ANKRD26: variants seen among roughly 807,000 people sequenced by gnomAD.
ANKRD26 encodes the protein ankyrin repeat domain-containing protein 26.
A neutral mutation model predicts 208.7 loss-of-function variants in ANKRD26; 141 were observed. The ratio of observed to expected loss-of-function variants is 0.68; its 90% CI spans 0.59 to 0.78. The LOEUF (loss-of-function observed/expected upper bound fraction) is 0.78. ANKRD26 is among the 30% of genes least tolerant of loss of function. The probability of loss-of-function intolerance (pLI) is 0.00; values close to 1 mark genes in which losing one functional copy is unlikely to be tolerated. For missense variants in ANKRD26, 1,889 were observed against 1,938.7 expected (o/e 0.97, Z 0.48); for synonymous variants, 636 against 660.4 (o/e 0.96, Z 0.57).
At chr10:26,963,403 A>C in the ANKRD26 span, among the ~76,000 whole-genome samples, 1 of 152,170 alleles carries the variant, frequency 6.6e-6, no homozygotes, top group Admixed American at 6.5e-5. Flanking sequence ...CCAGACTGTA[A>C]ATGTGAATCT....
At chr10:27,056,670 G>C (rs1261939631) in intron 15 of ANKRD26, among the ~76,000 whole-genome samples, 1 of 151,882 alleles carries the variant, frequency 6.6e-6, no homozygotes, top group East Asian at 2.0e-4. Flanking sequence ...CCAGCTACTT[G>C]GGAGGCTGAG....
downstream of ANKRD26, among the ~76,000 whole-genome samples, chr10:26,969,041 C>T (rs1008207422): frequency 5.3e-5 from 8 of 152,102 alleles, no homozygotes; most frequent in Admixed American, 2.0e-4. Flanking sequence ...ATCCAGATCC[C>T]GTTTAGACTC....
At chr10:27,035,824 A>C in intron 23 of ANKRD26, 72 bp from the exon 24 acceptor site, 1 of 1,086,824 alleles carries the variant, frequency 9.2e-7, no homozygotes, top group Admixed American at 2.0e-5. Context: ...CTGAAATTAA[A>C]GAATAAACTG....
chr10:27,090,644 AGAAGT>A (rs2056270996), intron 4 of ANKRD26, among the ~76,000 whole-genome samples: 1 of 152,218 alleles, frequency 6.6e-6, no homozygotes, highest in African/African-American at 2.4e-5. Flanking sequence ...ATTACATACT[AGAAGT>A]CCTTTCATGG....
At chr10:26,973,285 T>C (rs2052176322), downstream of ANKRD26, among the ~76,000 whole-genome samples, 1 of 152,192 alleles carries the variant, frequency 6.6e-6, no homozygotes. Context: ...GTCTATTTCA[T>C]TAGGTATATA....
chr10:26,986,389 A>G (rs1018091491), intron 3 of ANKRD26, among the ~76,000 whole-genome samples: 4 of 152,208 alleles, frequency 2.6e-5, no homozygotes, highest in African/African-American at 9.6e-5. Flanking sequence ...CATGTCTAAA[A>G]CACCAAAAGC....
rs769099370 is a variant in ANKRD26, at chr10:27,022,727, A to C, written c.4086-40T>G. 3 of 1,537,998 alleles carry C rather than the reference A, an allele frequency of 2.0e-6. No homozygotes were observed. The South Asian group carries it at 3.4e-5, about 18-fold the overall frequency. ...AAAATGAGTAACTCAAGTTTTAAAA[A>C]GGCAAACATTTAATAATTATTTAAA... On this transcript the variant is annotated intron_variant, in intron 28 of 33. Coordinates refer to ENST00000376087, the MANE Select transcript of ANKRD26 (RefSeq NM_014915.3).
At chr10:26,966,612 A>C in the ANKRD26 span, among the ~76,000 whole-genome samples, 1 of 152,310 alleles carries the variant, frequency 6.6e-6, no homozygotes, top group Admixed American at 6.5e-5. Flanking sequence ...AAGAAGAAAT[A>C]AAGAAAAAAA....
chr10:27,099,303 T>G (rs536004201), intron 1 of ANKRD26, among the ~76,000 whole-genome samples: 2 of 152,120 alleles, frequency 1.3e-5, no homozygotes, highest in South Asian at 4.1e-4. Context: ...TACTGCCACT[T>G]TCAATGGTCA....
chr10:27,033,331 T>A lies in ANKRD26; in HGVS notation c.3701A>T (p.Lys1234Ile). The A allele has an allele frequency of 6.2e-7, 1 of 1,612,050 alleles. No homozygotes were observed. Among genetic ancestry groups the A allele is most frequent in the Non-Finnish European group, 8.5e-7 (1 of 1,178,626 alleles). The change falls in exon 25 of 34, where the codon AAA becomes ATA. Residue 1234 changes from lysine (K) to isoleucine (I), a missense_variant. Physicochemically the swap from Lys to Ile is moderately radical, Grantham distance 102. Transcript: ENST00000376087. ...CAGTGAAGCCTCTGACATAGATTGT[T>A]TTTTTAGGGTATCAGCTAGTTCTTG... Reference protein sequence around the residue: ...LQQELADTLKKQSMSEASLEV... With the variant: ...LQQELADTLKIQSMSEASLEV...
At chr10:27,052,064 T>C in intron 16 of ANKRD26, 1 of 985,418 alleles carries the variant, frequency 1.0e-6, no homozygotes, top group Non-Finnish European at 1.2e-6. Flanking sequence ...TTTGCAGACA[T>C]GAAAGTGGAC....
downstream of ANKRD26, among the ~76,000 whole-genome samples, chr10:27,001,860 C>G (rs12779577): frequency 0.093 from 14,149 of 152,148 alleles, 788 homozygotes; most frequent in East Asian, 0.28. Context: ...TGATTTGGGG[C>G]CTGCTTTTTG....
chr10:26,968,140 T>A, the ANKRD26 span, among the ~76,000 whole-genome samples: 1 of 152,082 alleles, frequency 6.6e-6, no homozygotes, highest in Admixed American at 6.6e-5. Context: ...ACCACCAACC[T>A]CTCCAGACTT....
chr10:26,969,754 T>A (rs1344930925), downstream of ANKRD26, among the ~76,000 whole-genome samples: 1 of 152,178 alleles, frequency 6.6e-6, no homozygotes, highest in Non-Finnish European at 1.5e-5. Context: ...TGCCAAACTT[T>A]CAGATTATGT....
intron 29 of ANKRD26, among the ~76,000 whole-genome samples, chr10:27,019,721 C>T (rs941176834): frequency 9.9e-5 from 15 of 152,172 alleles, no homozygotes; most frequent in Non-Finnish European, 2.2e-4. Flanking sequence ...AAATTAATCT[C>T]AACATTTATC....
At chr10:27,031,780 A>C (rs2053870944) in intron 25 of ANKRD26, among the ~76,000 whole-genome samples, 1 of 152,234 alleles carries the variant, frequency 6.6e-6, no homozygotes, top group Admixed American at 6.5e-5. Flanking sequence ...TTAGATGTAC[A>C]TGCTATACAT....
intron 27 of ANKRD26, among the ~76,000 whole-genome samples, chr10:27,026,620 T>C (rs963880847): frequency 6.6e-6 from 1 of 152,176 alleles, no homozygotes; most frequent in Non-Finnish European, 1.5e-5. Flanking sequence ...GTATTTACAA[T>C]GCAACCTTCT....
rs932935741 is a variant in ANKRD26 at position 27,081,744 on chromosome 10, CT to C, written c.740+1058del. The stretch of plus-strand genomic sequence containing the variant: ...TATAAATATTCCATGGAATACTATG[CT>C]TTTTTTTTTTGAGACAGAGTCCCGC... On this transcript the variant is annotated intron_variant, in intron 6 of 33. Coordinates refer to ENST00000376087, the MANE Select transcript of ANKRD26 (RefSeq NM_014915.3). 1.4e-3 allele frequency among the ~76,000 whole-genome samples: 199 copies of C among 145,732 alleles called. 1 individual carries two copies. Among genetic ancestry groups the C allele is most frequent in the African/African-American group, 3.7e-3 (148 of 40,076 alleles).
At chr10:27,098,565 T>TC (rs2056541144) in intron 1 of ANKRD26, among the ~76,000 whole-genome samples, 1 of 151,730 alleles carries the variant, frequency 6.6e-6, no homozygotes, top group South Asian at 2.1e-4. Context: ...TTTTTTTTTT[T>TC]TGAGACGGAG....
Sources: allele counts gnomAD v4.1 joint callset (sites outside exome capture counted in the v4.1 genomes callset), GRCh38; gene constraint gnomAD v4.1.1; transcripts MANE v1.5; gene names NCBI Gene and HGNC (gene_info 2026-07-23, HGNC 2026-07-21).